SPOCK3: variants seen among roughly 807,000 people sequenced by gnomAD.
The protein encoded by SPOCK3 is SPARC (osteonectin), cwcv and kazal like domains proteoglycan 3, also known as testican-3.
In SPOCK3, 30 loss-of-function variants were observed where a neutral mutation model predicts 56.6. That is an observed-to-expected ratio of 0.53 (90% CI 0.40 to 0.72). The LOEUF is 0.72. Ranked by LOEUF, SPOCK3 falls within the 30% of genes least tolerant of loss-of-function variation. The probability of loss-of-function intolerance (pLI) is 0.00; values close to 1 mark genes in which losing one functional copy is unlikely to be tolerated. For synonymous variants in SPOCK3, 196 were observed against 183.3 expected (o/e 1.07, Z -0.56); for missense variants, 527 against 530.0 (o/e 0.99, Z 0.06).
intron 3 of SPOCK3, among the ~76,000 whole-genome samples, chr4:167,017,198 C>G (rs1302576452): frequency 1.3e-5 from 2 of 152,050 alleles, no homozygotes; most frequent in Non-Finnish European, 2.9e-5. Context: ...AAACTCCAAA[C>G]AGTGGGGCAG....
intron 3 of SPOCK3, among the ~76,000 whole-genome samples, chr4:167,037,241 T>C (rs11132844): frequency 0.12 from 18,787 of 152,028 alleles, 1,386 homozygotes; most frequent in African/African-American, 0.21. Context: ...ACCAGCAAGT[T>C]GGGAGGCCGA....
intron 6 of SPOCK3, among the ~76,000 whole-genome samples, chr4:166,851,968 TAA>T (rs1252027665): frequency 1.3e-5 from 2 of 151,544 alleles, no homozygotes; most frequent in Non-Finnish European, 2.9e-5. Flanking sequence ...TATGCAGCCA[TAA>T]AAAATGATGA....
intron 6 of SPOCK3, among the ~76,000 whole-genome samples, chr4:166,857,857 A>G (rs951274799): frequency 1.3e-5 from 2 of 152,216 alleles, no homozygotes; most frequent in Non-Finnish European, 2.9e-5. Flanking sequence ...GCCAAAAAGC[A>G]GTGATCTATA....
At chr4:167,088,635 T>C (rs1484432393) in intron 2 of SPOCK3, among the ~76,000 whole-genome samples, 1 of 151,878 alleles carries the variant, frequency 6.6e-6, no homozygotes, top group East Asian at 1.9e-4. Flanking sequence ...CAGCTAACTT[T>C]TGTATTTTTA....
At chr4:166,876,506 T>C (rs1733102452) in intron 6 of SPOCK3, among the ~76,000 whole-genome samples, 1 of 152,170 alleles carries the variant, frequency 6.6e-6, no homozygotes, top group South Asian at 2.1e-4. Context: ...TCAAATATCA[T>C]GTTAACTAAA....
chr4:166,949,870 C>T (rs192628150), intron 4 of SPOCK3, among the ~76,000 whole-genome samples: 3,005 of 151,926 alleles, frequency 0.02, 47 homozygotes, highest in Non-Finnish European at 0.029. Context: ...AAATACTTTA[C>T]AGACAAGCAA....
intron 2 of SPOCK3, among the ~76,000 whole-genome samples, chr4:167,127,569 A>G (rs1302859355): frequency 6.6e-6 from 1 of 151,996 alleles, no homozygotes; most frequent in Non-Finnish European, 1.5e-5. Context: ...CTGGGATTAC[A>G]GGCGCCTGCC....
At chr4:166,925,845 T>A (rs552332294) in intron 4 of SPOCK3, among the ~76,000 whole-genome samples, 1 of 151,952 alleles carries the variant, frequency 6.6e-6, no homozygotes, top group East Asian at 1.9e-4. Flanking sequence ...AGTGAAAGAG[T>A]TCTAAAATCC....
intron 2 of SPOCK3, among the ~76,000 whole-genome samples, chr4:167,080,024 G>C (rs1049725539): frequency 1.3e-5 from 2 of 151,966 alleles, no homozygotes; most frequent in African/African-American, 4.8e-5. Flanking sequence ...CTGCTATCTG[G>C]GGGGAGGAGG....
intron 7 of SPOCK3, among the ~76,000 whole-genome samples, chr4:166,766,943 C>G (rs1738164921): frequency 6.6e-6 from 1 of 151,610 alleles, no homozygotes; most frequent in African/African-American, 2.4e-5. Context: ...AGGAATTTAT[C>G]CATTTCTTCT....
chr4:167,177,488 G>A (rs979590803), intron 2 of SPOCK3, among the ~76,000 whole-genome samples: 2 of 152,058 alleles, frequency 1.3e-5, no homozygotes, highest in African/African-American at 4.8e-5. Flanking sequence ...TGTACGTGGA[G>A]AATCATGGGG....
intron 7 of SPOCK3, among the ~76,000 whole-genome samples, chr4:166,755,343 C>T (rs6827226): frequency 0.19 from 28,280 of 151,972 alleles, 3,508 homozygotes; most frequent in South Asian, 0.3. Context: ...TTATGAGAGG[C>T]CAGATGGTGC....
chr4:167,115,952 G>C (rs1761293026), intron 2 of SPOCK3, among the ~76,000 whole-genome samples: 1 of 151,926 alleles, frequency 6.6e-6, no homozygotes, highest in African/African-American at 2.4e-5. Flanking sequence ...GCTCACATCA[G>C]AAACAATTAC....
chr4:166,900,232 A>C (rs573394843), intron 5 of SPOCK3, among the ~76,000 whole-genome samples: 2 of 152,338 alleles, frequency 1.3e-5, no homozygotes, highest in African/African-American at 2.4e-5. Flanking sequence ...GCACTCTGAC[A>C]ACAGTGCACT....
chr4:167,228,059 G>T (rs72977526), intron 2 of SPOCK3, among the ~76,000 whole-genome samples: 3,821 of 152,084 alleles, frequency 0.025, 172 homozygotes, highest in African/African-American at 0.086. Context: ...AATAAATAAA[G>T]AAACCTAACA....
intron 10 of SPOCK3, 99 bp downstream of exon 10, chr4:166,737,368 A>T (rs578010111): frequency 2.8e-5 from 36 of 1,276,666 alleles, no homozygotes; most frequent in Non-Finnish European, 3.9e-5. Flanking sequence ...GTCTTTGCAT[A>T]GAGTAAGTCC....
chr4:166,737,624 G>T lies in SPOCK3; in HGVS notation c.995-20C>A. The stretch of plus-strand genomic sequence containing the variant: ...ACTGTCCTGTTGAAACAACACACAG[G>T]CATACAAACACACACATGTAGTTTA... On this transcript the variant is annotated intron_variant, in intron 9 of 10. Coordinates refer to ENST00000357545, the MANE Select transcript of SPOCK3 (RefSeq NM_001040159.2). 6.3e-7 allele frequency: 1 copy of T among 1,596,076 alleles called. No individual in the cohort carries two copies. Among genetic ancestry groups the T allele is most frequent in the Non-Finnish European group, 8.5e-7 (1 of 1,172,286 alleles).
At chr4:166,881,923 CCTT>C (rs1173039115) in intron 6 of SPOCK3, among the ~76,000 whole-genome samples, 1 of 152,076 alleles carries the variant, frequency 6.6e-6, no homozygotes, top group Admixed American at 6.6e-5. Context: ...GCAAACATCT[CCTT>C]ATTATCGTAC....
intron 2 of SPOCK3, among the ~76,000 whole-genome samples, chr4:167,131,796 A>C (rs1324296747): frequency 6.6e-6 from 1 of 152,228 alleles, no homozygotes; most frequent in Non-Finnish European, 1.5e-5. Flanking sequence ...AAGCTTGAAT[A>C]GAATTTTTTT....
Sources: allele counts gnomAD v4.1 joint callset (sites outside exome capture counted in the v4.1 genomes callset), GRCh38; gene constraint gnomAD v4.1.1; transcripts MANE v1.5; gene names NCBI Gene and HGNC (gene_info 2026-07-23, HGNC 2026-07-21).